The following CEP128 variants were observed in gnomAD, a reference collection of about 807,000 sequenced individuals.
CEP128 encodes centrosomal protein 128, also known as centrosomal protein 128kDa.
CEP128 carries 132 observed loss-of-function variants against 156.7 expected under a neutral mutation model. The ratio of observed to expected loss-of-function variants is 0.84; its 90% CI spans 0.73 to 0.97. CEP128 has a LOEUF of 0.97. Among genes scored for constraint, CEP128 ranks in the 50% least tolerant of loss-of-function variants. The pLI, the probability that CEP128 is intolerant of heterozygous loss-of-function variation, is 0.00. For missense variants in CEP128, 1,252 were observed against 1,281.9 expected, an observed-to-expected ratio of 0.98 and a Z score of 0.36; for synonymous variants, 469 against 448.9, an observed-to-expected ratio of 1.04 and a Z score of -0.57.
rs375476013 is a variant in CEP128 at position 80,861,564 on chromosome 14, A to C, written c.762+1193T>G. Among the ~76,000 whole-genome samples, 157 of 152,260 alleles carry C rather than the reference A, an allele frequency of 1.0e-3. 4 individuals are homozygous for C. The South Asian group carries it at 0.031, about 30-fold the overall frequency. On this transcript the variant is annotated intron_variant, in intron 9 of 24. Coordinates refer to ENST00000555265, the MANE Select transcript of CEP128 (RefSeq NM_152446.5). ...GTCATGAAGAAACATCAAGAAACCC[A>C]AAATGAAAGCCATTCTACAAAATAA...
intron 19 of CEP128, among the ~76,000 whole-genome samples, chr14:80,664,921 A>C (rs1278038990): frequency 6.6e-6 from 1 of 152,186 alleles, no homozygotes; most frequent in Non-Finnish European, 1.5e-5. Flanking sequence ...AACTTTACAA[A>C]AAGTCAACTC....
At chr14:80,515,358 A>C (rs561898933) in intron 23 of CEP128, among the ~76,000 whole-genome samples, 10 of 152,238 alleles carry the variant, frequency 6.6e-5, no homozygotes, top group African/African-American at 2.2e-4. Context: ...AAACTTTATG[A>C]ATCTACTTGG....
At chr14:80,836,090 G>C in intron 12 of CEP128, 115 bp downstream of exon 12, 2 of 920,520 alleles carry the variant, frequency 2.2e-6, no homozygotes, top group South Asian at 3.2e-5. Context: ...TCAAGAAATA[G>C]TATGACGTGA....
chr14:80,563,522 A>G (rs1317453243), intron 20 of CEP128, among the ~76,000 whole-genome samples: 1 of 107,176 alleles, frequency 9.3e-6, no homozygotes, highest in Admixed American at 9.8e-5. Flanking sequence ...GGGCCTCCAA[A>G]TCTTTTTTTT....
intron 19 of CEP128, among the ~76,000 whole-genome samples, chr14:80,652,176 C>G (rs185964583): frequency 6.6e-6 from 1 of 151,814 alleles, no homozygotes; most frequent in East Asian, 1.9e-4. Context: ...TCCTTACACC[C>G]TATAAAAAAA....
At chr14:80,530,920 T>A (rs1566760733) in intron 21 of CEP128, 34 bp from the exon 22 acceptor site, 12 of 1,413,164 alleles carry the variant, frequency 8.5e-6, no homozygotes, top group Non-Finnish European at 1.2e-5. Flanking sequence ...CCAAACATTA[T>A]AAAAAATTGA....
Position 80,853,935 on chromosome 14 carries a change from T to C in CEP128, c.762+8822A>G, listed in dbSNP as rs1036226297. On this transcript the variant is annotated intron_variant, in intron 9 of 24. Transcript: ENST00000555265. ...TGATGCTGAAGCAACTGATGAGTCA[T>C]ATAAAAAGCAAATTAGATCCTTTCC... Among the ~76,000 whole-genome samples, 13 of 151,584 alleles carry C rather than the reference T, an allele frequency of 8.6e-5. 1 individual carries two copies. Among genetic ancestry groups the C allele is most frequent in the Non-Finnish European group, 1.5e-5 (1 of 67,850 alleles).
At chr14:80,681,128 G>A (rs535723271) in intron 19 of CEP128, among the ~76,000 whole-genome samples, 108 of 151,860 alleles carry the variant, frequency 7.1e-4, no homozygotes, top group Non-Finnish European at 1.3e-3. Context: ...AGAAGTACAC[G>A]GTACTATAAA....
chr14:80,669,352 AAAAATC>A (rs1256593875), intron 19 of CEP128, among the ~76,000 whole-genome samples: 1 of 152,238 alleles, frequency 6.6e-6, no homozygotes, highest in Non-Finnish European at 1.5e-5. Flanking sequence ...ACAGCATAAG[AAAAATC>A]AAAATAGTAA....
chr14:80,605,970 T>C (rs927303581), intron 19 of CEP128, among the ~76,000 whole-genome samples: 2 of 151,754 alleles, frequency 1.3e-5, no homozygotes, highest in African/African-American at 4.8e-5. Context: ...CTTTAAAAAA[T>C]TATTTATTTT....
At chr14:80,768,154 G>A (rs1900334001) in intron 16 of CEP128, among the ~76,000 whole-genome samples, 1 of 152,100 alleles carries the variant, frequency 6.6e-6, no homozygotes, top group Non-Finnish European at 1.5e-5. Flanking sequence ...TTTAATCTCT[G>A]AACTCAAATA....
intron 23 of CEP128, among the ~76,000 whole-genome samples, chr14:80,510,137 G>C (rs978943192): frequency 1.3e-4 from 20 of 152,054 alleles, no homozygotes; most frequent in Admixed American, 5.9e-4. Flanking sequence ...TTTTTGGATA[G>C]TTTTTTCTAT....
intron 23 of CEP128, among the ~76,000 whole-genome samples, chr14:80,517,245 T>C (rs1484621525): frequency 6.6e-6 from 1 of 152,154 alleles, no homozygotes; most frequent in African/African-American, 2.4e-5. Flanking sequence ...AAATTTACTA[T>C]ATCCTTGCTT....
rs1336166802 is a variant in CEP128 at position 80,904,896 on chromosome 14, C to A, written c.397G>T (p.Asp133Tyr). ...TTAATACCCTGTGGATCCCCATAGTCCTTGAGAGGTGAGGTAGGTGGAAAA... is the reference window on the plus strand; with the variant it reads ...TTAATACCCTGTGGATCCCCATAGTACTTGAGAGGTGAGGTAGGTGGAAAA... ...HHFPPTSPLK[D>Y]YGDPQGIKRM... Residue 133 changes from aspartate to tyrosine, a missense_variant, in exon 6 of 25, where the codon GAC becomes TAC. By Grantham distance (160) the Asp-to-Tyr change is radical. Coordinates refer to ENST00000555265, the MANE Select transcript of CEP128 (RefSeq NM_152446.5). 1 of 1,611,388 alleles carries A rather than the reference C, an allele frequency of 6.2e-7. No individual in the cohort carries two copies. Among genetic ancestry groups the A allele is most frequent in the African/African-American group, 1.3e-5 (1 of 74,824 alleles).
At chr14:80,912,275 C>T (rs1027404845) in intron 4 of CEP128, among the ~76,000 whole-genome samples, 16 of 151,640 alleles carry the variant, frequency 1.1e-4, no homozygotes, top group Non-Finnish European at 1.9e-4. Context: ...AGGCTTACCA[C>T]AGAGACTTGA....
intron 9 of CEP128, among the ~76,000 whole-genome samples, chr14:80,842,963 C>T (rs1039840099): frequency 5.3e-5 from 8 of 151,820 alleles, no homozygotes; most frequent in Admixed American, 2.6e-4. Context: ...TCTTCTTTCC[C>T]TTAAGTGTGT....
intron 13 of CEP128, among the ~76,000 whole-genome samples, chr14:80,795,051 G>A (rs1037053955): frequency 3.3e-5 from 5 of 152,186 alleles, no homozygotes; most frequent in Admixed American, 1.3e-4. Flanking sequence ...AACATTTGCT[G>A]GAGTTAATAA....
At chr14:80,865,749 C>T (rs191239188) in intron 8 of CEP128, among the ~76,000 whole-genome samples, 143 of 152,154 alleles carry the variant, frequency 9.4e-4, no homozygotes, top group African/African-American at 3.3e-3. Context: ...AAGCAGGCTG[C>T]CATGTTATGA....
At chr14:80,838,866 C>T (rs760015947) in intron 10 of CEP128, among the ~76,000 whole-genome samples, 9 of 151,986 alleles carry the variant, frequency 5.9e-5, no homozygotes, top group Admixed American at 2.0e-4. Context: ...AGATAAATAT[C>T]GATAAAAAAT....
Sources: allele counts gnomAD v4.1 joint callset (sites outside exome capture counted in the v4.1 genomes callset), GRCh38; gene constraint gnomAD v4.1.1; transcripts MANE v1.5; gene names NCBI Gene and HGNC (gene_info 2026-07-23, HGNC 2026-07-21).